The following STAT3 variants were observed in gnomAD, a reference collection of about 807,000 sequenced individuals.
The protein encoded by STAT3 is signal transducer and activator of transcription 3.
In STAT3, 7 loss-of-function variants were observed where a neutral mutation model predicts 114.3. That is an observed-to-expected ratio of 0.06 (90% CI 0.03 to 0.11). STAT3 has a LOEUF of 0.11. Ranked by LOEUF, STAT3 falls within the 10% of genes least tolerant of loss-of-function variation. The pLI is 1.00. For missense variants in STAT3, 364 were observed against 960.9 expected, an observed-to-expected ratio of 0.38 and a Z score of 8.21; for synonymous variants, 331 against 354.5, an observed-to-expected ratio of 0.93 and a Z score of 0.74.
At chr17:42,332,394 C>T (rs1452549437) in intron 10 of STAT3, among the ~76,000 whole-genome samples, 2 of 149,776 alleles carry the variant, frequency 1.3e-5, no homozygotes, top group East Asian at 2.0e-4. Context: ...AAAAATCAGC[C>T]GGGCATGGTG....
At chr17:42,386,369 G>A (rs186235981) in intron 1 of STAT3, among the ~76,000 whole-genome samples, 14 of 151,804 alleles carry the variant, frequency 9.2e-5, no homozygotes, top group East Asian at 1.9e-4. Flanking sequence ...ACTCTGCTGC[G>A]TTGGCCAAGT....
chr17:42,381,963 G>GGATAAGA (rs2084825944), intron 1 of STAT3, among the ~76,000 whole-genome samples: 1 of 151,924 alleles, frequency 6.6e-6, no homozygotes, highest in Non-Finnish European at 1.5e-5. Flanking sequence ...AACAGAAAAG[G>GGATAAGA]GATAAGAACT....
chr17:42,325,178 G>T, intron 15 of STAT3, 117 bp from the exon 16 acceptor site: 1 of 939,204 alleles, frequency 1.1e-6, no homozygotes, highest in Non-Finnish European at 1.7e-6. Context: ...AACCACACCT[G>T]CTGCCAACTC....
At chr17:42,323,227 T>G in intron 19 of STAT3, 33 bp downstream of exon 19, 1 of 1,614,092 alleles carries the variant, frequency 6.2e-7, no homozygotes, top group East Asian at 2.2e-5. Context: ...GCAGGGGACT[T>G]GGTTACATCT....
intron 5 of STAT3, 67 bp downstream of exon 5, chr17:42,339,247 C>G: frequency 6.8e-7 from 1 of 1,475,092 alleles, no homozygotes; most frequent in Non-Finnish European, 9.3e-7. Context: ...CAGAGCAAGA[C>G]CCTGTCTCAA....
At chr17:42,374,037 T>C (rs959723939) in intron 1 of STAT3, 14 of 152,184 alleles carry the variant, frequency 9.2e-5, no homozygotes, top group Non-Finnish European at 1.3e-4. Flanking sequence ...AAATGTATAA[T>C]GTACTTAGAA....
In STAT3 at chr17:42,346,492, G is replaced by A. The variant is rs1766148549; in HGVS notation, c.273+77C>T. The A allele has an allele frequency of 5.6e-6, 9 of 1,598,936 alleles. No homozygotes were observed. The South Asian group carries it at 7.8e-5, about 14-fold the overall frequency. On this transcript the variant is annotated intron_variant, in intron 3 of 23. Transcript: ENST00000264657. ...CTCGTTACTTAGCCAAATGAGAAAA[G>A]AGATGCTTCCAGGAAAGAACACTAA...
In STAT3 at chr17:42,315,643, A is replaced by T. The variant is rs2144605186; in HGVS notation, c.*102T>A. The T allele has an allele frequency of 6.4e-6, 8 of 1,245,220 alleles. No homozygotes were observed. The South Asian group carries it at 9.6e-5, about 15-fold the overall frequency. 77.1% of individuals were successfully genotyped at this position (1,245,220 alleles called of 1,614,324 possible). On this transcript the variant is annotated 3_prime_UTR_variant, in exon 24 of 24. Coordinates refer to ENST00000264657, the MANE Select transcript of STAT3 (RefSeq NM_139276.3). ...GATTAAAAAAAATCTGGAACCACAAAGTTAGTAGTTTCAGATGATCTGGGG... is the reference window on the plus strand; with the variant it reads ...GATTAAAAAAAATCTGGAACCACAATGTTAGTAGTTTCAGATGATCTGGGG...
intron 17 of STAT3, among the ~76,000 whole-genome samples, chr17:42,323,926 C>T (rs1245538135): frequency 6.6e-6 from 1 of 152,226 alleles, no homozygotes. Flanking sequence ...AACAAGCTGA[C>T]ATCGGGTGTC....
intron 1 of STAT3, among the ~76,000 whole-genome samples, chr17:42,384,135 T>TATTTATTTA (rs55920333): frequency 7.2e-6 from 1 of 139,520 alleles, no homozygotes; most frequent in African/African-American, 2.7e-5. Context: ...TTTATTTATT[T>TATTTATTTA]TTTTTTTTTT....
chr17:42,382,546 T>C (rs2084858306), intron 1 of STAT3, among the ~76,000 whole-genome samples: 1 of 152,316 alleles, frequency 6.6e-6, no homozygotes, highest in Non-Finnish European at 1.5e-5. Context: ...TCCAGTTTCA[T>C]GAAAACGGAC....
chr17:42,357,124 T>C (rs1007190992), intron 1 of STAT3, among the ~76,000 whole-genome samples: 1 of 152,158 alleles, frequency 6.6e-6, no homozygotes, highest in Non-Finnish European at 1.5e-5. Flanking sequence ...ATAAAAGAAC[T>C]ATTTTGTTTC....
chr17:42,349,848 G>A (rs1423441190), intron 1 of STAT3, among the ~76,000 whole-genome samples: 6 of 152,182 alleles, frequency 3.9e-5, no homozygotes, highest in African/African-American at 1.2e-4. Context: ...CCTGAGGTCG[G>A]GAGTTTGAGA....
At chr17:42,379,756 T>C (rs2084671925) in intron 1 of STAT3, among the ~76,000 whole-genome samples, 2 of 152,236 alleles carry the variant, frequency 1.3e-5, no homozygotes, top group South Asian at 4.1e-4. Context: ...GAGGTAATCA[T>C]GGACTGTGGG....
intron 15 of STAT3, 125 bp downstream of exon 15, chr17:42,325,991 A>G (rs1168393042): frequency 8.5e-6 from 8 of 937,982 alleles, no homozygotes; most frequent in Non-Finnish European, 1.4e-5. Context: ...AAAAGTAAGC[A>G]AAAATAAACA....
chr17:42,345,246 CAA>C (rs1034053298), intron 4 of STAT3, among the ~76,000 whole-genome samples: 1 of 144,808 alleles, frequency 6.9e-6, no homozygotes, highest in Non-Finnish European at 1.5e-5. Flanking sequence ...GCCTGGGTAA[CAA>C]GAGCAAAACT....
chr17:42,364,550 G>C (rs922713998), intron 1 of STAT3, among the ~76,000 whole-genome samples: 1 of 152,096 alleles, frequency 6.6e-6, no homozygotes, highest in African/African-American at 2.4e-5. Context: ...ATCTAAGAGA[G>C]GCAACTGAAA....
rs116138371 is a variant in STAT3, at chr17:42,342,684, T to G, written c.372+2875A>C. Reference sequence around the variant, plus strand: ...ACTCCCATTGGAGGAACAGAGAGAGTAAAAATTGTTTACTTAAGGTTACAG... The same window carrying G: ...ACTCCCATTGGAGGAACAGAGAGAGGAAAAATTGTTTACTTAAGGTTACAG... On this transcript the variant is annotated intron_variant, in intron 4 of 23. Coordinates refer to ENST00000264657, the MANE Select transcript of STAT3 (RefSeq NM_139276.3). 4.1e-3 allele frequency among the ~76,000 whole-genome samples: 621 copies of G among 151,922 alleles called. 6 individuals carry two copies. The highest frequency in any genetic ancestry group is 0.014 in the African/African-American group (593 of 41,410).
chr17:42,314,847 G>GTTT lies in STAT3; in HGVS notation c.*895_*897dup. Reference sequence around the variant, plus strand: ...AGCACCAAGGAGGCTGTTAACTGAAGTTTCTTTTTTTTTTTTTTTTTTTTG... The same window carrying GTTT: ...AGCACCAAGGAGGCTGTTAACTGAAGTTTTTTCTTTTTTTTTTTTTTTTTTTTG... On this transcript the variant is annotated 3_prime_UTR_variant, in exon 24 of 24. Coordinates refer to ENST00000264657, the MANE Select transcript of STAT3 (RefSeq NM_139276.3). 6.1e-6 allele frequency: 1 copy of GTTT among 165,010 alleles called. No homozygotes were observed. Among genetic ancestry groups the GTTT allele is most frequent in the Non-Finnish European group, 1.2e-5 (1 of 80,192 alleles). The allele number at this position is 165,010 out of a possible 1,614,324, so 10.2% of individuals were successfully genotyped here.
Sources: allele counts gnomAD v4.1 joint callset (sites outside exome capture counted in the v4.1 genomes callset), GRCh38; gene constraint gnomAD v4.1.1; transcripts MANE v1.5; gene names NCBI Gene and HGNC (gene_info 2026-07-23, HGNC 2026-07-21).